Variants in CA10 observed in about 807,000 individuals in gnomAD.
CA10 encodes the protein carbonic anhydrase 10 (inactive), also known as carbonic anhydrase-related protein 10.
CA10 carries 14 observed loss-of-function variants against 44.2 expected under a neutral mutation model. The ratio of observed to expected loss-of-function variants is 0.32; its 90% CI spans 0.21 to 0.50. The LOEUF is 0.50. CA10 is among the 20% of genes least tolerant of loss of function. The pLI is 0.99. For synonymous variants in CA10, 159 were observed against 141.6 expected (o/e 1.12, Z -0.87); for missense variants, 350 against 409.7 (o/e 0.85, Z 1.26).
chr17:51,983,818 T>A (rs1984735720), intron 2 of CA10, among the ~76,000 whole-genome samples: 1 of 151,714 alleles, frequency 6.6e-6, no homozygotes, highest in South Asian at 2.1e-4. Flanking sequence ...GGAGATAAAA[T>A]TTTTAAAATC....
intron 8 of CA10, 127 bp downstream of exon 8, chr17:51,633,349 G>T: frequency 1.1e-6 from 1 of 913,814 alleles, no homozygotes. Flanking sequence ...AATGGAGTGT[G>T]ATGGCTATTG....
intron 1 of CA10, among the ~76,000 whole-genome samples, chr17:52,107,255 C>T (rs1306258938): frequency 1.3e-5 from 2 of 152,072 alleles, no homozygotes; most frequent in Non-Finnish European, 2.9e-5. Flanking sequence ...AGTTCTGATT[C>T]CCTTTTACTC....
At chr17:51,734,736 G>C (rs1016954268) in intron 4 of CA10, among the ~76,000 whole-genome samples, 5 of 152,160 alleles carry the variant, frequency 3.3e-5, no homozygotes, top group African/African-American at 1.2e-4. Flanking sequence ...AATTAAGTGT[G>C]GTTAGTAGGG....
chr17:51,854,929 G>A (rs952353595), intron 3 of CA10, among the ~76,000 whole-genome samples: 2 of 152,142 alleles, frequency 1.3e-5, no homozygotes, highest in African/African-American at 4.8e-5. Flanking sequence ...ATTTCACAGA[G>A]GAGAAAATGG....
chr17:51,735,508 C>T (rs941486255), intron 4 of CA10, among the ~76,000 whole-genome samples: 60 of 151,460 alleles, frequency 4.0e-4, no homozygotes, highest in Admixed American at 2.8e-3. Flanking sequence ...GCAACAAACA[C>T]GAACATGTAC....
intron 2 of CA10, among the ~76,000 whole-genome samples, chr17:52,069,834 A>G (rs1987633849): frequency 6.6e-6 from 1 of 152,162 alleles, no homozygotes; most frequent in African/African-American, 2.4e-5. Context: ...ACTGACTATT[A>G]TTTCTAGACA....
intron 3 of CA10, among the ~76,000 whole-genome samples, chr17:51,792,008 T>C (rs953610271): frequency 1.3e-5 from 2 of 152,164 alleles, no homozygotes; most frequent in African/African-American, 2.4e-5. Flanking sequence ...CAGAGAAACA[T>C]GCATGATGGG....
intron 1 of CA10, among the ~76,000 whole-genome samples, chr17:52,090,418 T>C (rs559446464): frequency 4.8e-4 from 73 of 152,240 alleles, no homozygotes; most frequent in African/African-American, 1.7e-3. Context: ...AATTGACAGA[T>C]CAATTAAACA....
At chr17:51,983,093 T>G (rs1984708119) in intron 2 of CA10, among the ~76,000 whole-genome samples, 1 of 120,042 alleles carries the variant, frequency 8.3e-6, no homozygotes, top group Non-Finnish European at 1.9e-5. Flanking sequence ...TATAGGAAAT[T>G]TTTTTTTATA....
intron 2 of CA10, among the ~76,000 whole-genome samples, chr17:52,021,043 C>T (rs1462120273): frequency 6.6e-6 from 1 of 151,924 alleles, no homozygotes; most frequent in African/African-American, 2.4e-5. Flanking sequence ...TTTATTTATC[C>T]AGTCTACCAT....
chr17:51,903,474 C>T (rs938626658), intron 3 of CA10, among the ~76,000 whole-genome samples: 7 of 152,048 alleles, frequency 4.6e-5, no homozygotes, highest in Non-Finnish European at 7.4e-5. Context: ...TGGACTGTTC[C>T]TCTTTGCCCA....
intron 2 of CA10, among the ~76,000 whole-genome samples, chr17:52,008,159 T>A (rs577780867): frequency 7.2e-5 from 11 of 151,932 alleles, no homozygotes; most frequent in Non-Finnish European, 1.2e-4. Flanking sequence ...ATCTCTTCTT[T>A]GTTTTCTATT....
intron 2 of CA10, among the ~76,000 whole-genome samples, chr17:51,997,821 A>G (rs982390507): frequency 6.6e-6 from 1 of 152,124 alleles, no homozygotes; most frequent in Non-Finnish European, 1.5e-5. Context: ...GAACAGGGCA[A>G]TAGTTTCAGG....
intron 3 of CA10, among the ~76,000 whole-genome samples, chr17:51,774,190 T>C (rs1046209788): frequency 2.0e-5 from 3 of 152,236 alleles, no homozygotes; most frequent in Non-Finnish European, 2.9e-5. Context: ...GTGCAATTTA[T>C]GCAAGTTTTA....
chr17:51,972,270 T>C (rs1984307566), intron 2 of CA10, among the ~76,000 whole-genome samples: 1 of 152,040 alleles, frequency 6.6e-6, no homozygotes, highest in African/African-American at 2.4e-5. Context: ...TGAAAAACCA[T>C]GCCATGGTCA....
chr17:52,112,029 A>T (rs1429158348), intron 1 of CA10, among the ~76,000 whole-genome samples: 1 of 152,154 alleles, frequency 6.6e-6, no homozygotes, highest in Non-Finnish European at 1.5e-5. Flanking sequence ...GATTTTATAC[A>T]TCATCATCAC....
intron 2 of CA10, among the ~76,000 whole-genome samples, chr17:51,986,159 AC>A (rs1156284222): frequency 1.3e-5 from 2 of 152,146 alleles, no homozygotes; most frequent in African/African-American, 4.8e-5. Context: ...AAAAATAGGC[AC>A]ATAGACCAAT....
At chr17:51,843,872 T>A (rs1978382948) in intron 3 of CA10, among the ~76,000 whole-genome samples, 1 of 152,124 alleles carries the variant, frequency 6.6e-6, no homozygotes, top group Non-Finnish European at 1.5e-5. Context: ...AAATTCACAA[T>A]AGCATGAAAA....
intron 1 of CA10, among the ~76,000 whole-genome samples, chr17:52,098,898 C>A (rs1988469795): frequency 6.6e-6 from 1 of 152,186 alleles, no homozygotes; most frequent in Non-Finnish European, 1.5e-5. Flanking sequence ...AGTGCGTGAG[C>A]ATTCGTACCT....
Sources: gnomAD v4.1 joint callset for allele counts (sites outside exome capture counted in the v4.1 genomes callset) on GRCh38, gnomAD v4.1.1 for gene constraint, MANE v1.5 for transcripts, NCBI Gene and HGNC (gene_info 2026-07-23, HGNC 2026-07-21) for gene names.